Variants in GRP observed in about 807,000 individuals in gnomAD.
The protein encoded by GRP is gastrin-releasing peptide.
Under a neutral mutation model 12.7 loss-of-function variants are expected in GRP, and 11 were observed. The observed-to-expected ratio is 0.87, with a 90% CI of 0.55 to 1.44. GRP has a LOEUF of 1.44. Among genes scored for constraint, GRP ranks in the 40% most tolerant of loss-of-function variants. GRP has a pLI of 0.00. For missense variants in GRP, 212 were observed against 185.4 expected (o/e 1.14, Z -0.83); for synonymous variants, 84 against 77.7 (o/e 1.08, Z -0.43).
chr18:59,221,981 G>A (rs2069842978), intron 1 of GRP, among the ~76,000 whole-genome samples: 2 of 152,168 alleles, frequency 1.3e-5, no homozygotes, highest in Non-Finnish European at 2.9e-5. Context: ...TTTCAAGAAT[G>A]AAGGATGCTT....
intron 2 of GRP, 60 bp downstream of exon 2, chr18:59,225,794 G>A (rs2069911612): frequency 1.4e-5 from 21 of 1,526,112 alleles, no homozygotes; most frequent in Non-Finnish European, 1.9e-5. Flanking sequence ...TGGAAAGAGG[G>A]CAAGTTCAAA....
At chr18:59,224,422 T>G (rs1289650178) in intron 1 of GRP, among the ~76,000 whole-genome samples, 1 of 152,236 alleles carries the variant, frequency 6.6e-6, no homozygotes, top group African/African-American at 2.4e-5. Flanking sequence ...ATCTTTCAAA[T>G]TTTATGTTTG....
intron 2 of GRP, among the ~76,000 whole-genome samples, chr18:59,226,317 T>C (rs149909676): frequency 1.2e-3 from 181 of 152,266 alleles, no homozygotes; most frequent in African/African-American, 4.2e-3. Flanking sequence ...CTGGCAATGC[T>C]TAAAGACAGT....
chr18:59,225,338 G>A (rs952262231), intron 1 of GRP, among the ~76,000 whole-genome samples, 154 bp from the exon 2 acceptor site: 6 of 152,156 alleles, frequency 3.9e-5, no homozygotes, highest in African/African-American at 7.2e-5. Flanking sequence ...TCTATCTGTC[G>A]TTTATGAACT....
upstream of GRP, among the ~76,000 whole-genome samples, chr18:59,219,303 G>T (rs2069789304): frequency 6.6e-6 from 1 of 150,734 alleles, no homozygotes; most frequent in Non-Finnish European, 1.5e-5. Context: ...CTTCTGTCTT[G>T]CCATACAAGT....
At chr18:59,227,289 C>A (rs58665047) in intron 2 of GRP, among the ~76,000 whole-genome samples, 5,917 of 152,024 alleles carry the variant, frequency 0.039, 201 homozygotes, top group African/African-American at 0.085. Context: ...AAACAAAAAC[C>A]AAAAACAATC....
chr18:59,219,860 C>T (rs1603382699), upstream of GRP, among the ~76,000 whole-genome samples: 1 of 151,964 alleles, frequency 6.6e-6, no homozygotes, highest in Admixed American at 6.5e-5. Flanking sequence ...AGGCTGGAGG[C>T]GCCGGCGAGC....
intron 2 of GRP, among the ~76,000 whole-genome samples, chr18:59,227,247 G>A (rs964622553): frequency 2.0e-5 from 3 of 151,406 alleles, no homozygotes; most frequent in Admixed American, 6.6e-5. Context: ...AGCACCTAGA[G>A]GGAAAGTCTT....
At chr18:59,226,200 G>T (rs1380998440) in intron 2 of GRP, among the ~76,000 whole-genome samples, 1 of 152,118 alleles carries the variant, frequency 6.6e-6, no homozygotes, top group Non-Finnish European at 1.5e-5. Flanking sequence ...GGAGTACCTA[G>T]TTCAGGTTTC....
intron 1 of GRP, among the ~76,000 whole-genome samples, chr18:59,222,538 G>C (rs1479764855): frequency 6.6e-6 from 1 of 152,196 alleles, no homozygotes; most frequent in Non-Finnish European, 1.5e-5. Context: ...CGTTTGCTTT[G>C]AGTAACATGC....
Position 59,229,945 on chromosome 18 carries a change from C to T in GRP, c.383-459C>T, listed in dbSNP as rs113696194. ...CAGAAACTAGCTTTGACTTGTGTAA[C>T]GATGCACTGTCAAAGTAAGCAAAGT... On this transcript the variant is annotated intron_variant, in intron 2 of 2. Transcript: ENST00000256857. Among the ~76,000 whole-genome samples, 300 of 152,230 alleles carry T rather than the reference C, an allele frequency of 2.0e-3. 1 individual carries two copies. The highest frequency in any genetic ancestry group is 6.3e-3 in the African/African-American group (263 of 41,538).
At position 59,230,414 on chromosome 18, in the gene GRP, C is replaced by T; in HGVS notation, c.393C>T (p.Leu131=). The T allele has an allele frequency of 6.3e-7, 1 of 1,578,680 alleles. No individual in the cohort carries two copies. The highest frequency in any genetic ancestry group is 8.7e-7 in the Non-Finnish European group (1 of 1,147,714). ...DVGSKGKVGR[L]SAPGSQREGR... The stretch of plus-strand genomic sequence containing the variant: ...CTAATATTTCTTAAGTTGGTAGACT[C>T]TCTGCTCCAGGTTCTCAACGTGAAG... Residue 131 remains leucine, a synonymous_variant, in exon 3 of 3, where the codon CTC becomes CTT. Coordinates refer to ENST00000256857, the MANE Select transcript of GRP (RefSeq NM_002091.5).
In GRP at chr18:59,220,352, C is replaced by G; in HGVS notation, c.87C>G (p.Gly29=). The G allele has an allele frequency of 3.4e-6, 5 of 1,478,050 alleles. No individual in the cohort carries two copies. Among genetic ancestry groups the G allele is most frequent in the Non-Finnish European group, 4.5e-6 (5 of 1,117,628 alleles). 91.6% of individuals were successfully genotyped at this position (1,478,050 alleles called of 1,614,324 possible). A position where few individuals can be genotyped will look rare whatever the true frequency, so the allele number is the denominator to read the frequency against. The change falls in exon 1 of 3, where the codon GGC becomes GGG. Residue 29 remains glycine, a synonymous_variant. Transcript: ENST00000256857. ...GGCGAGCGGTCCCGCTGCCTGCGGG[C>G]GGAGGGACCGTGCTGACCAAGATGT... is the stretch of plus-strand genomic sequence containing the variant. The part of the protein sequence containing the change: ...PRGRAVPLPA[G]GGTVLTKMYP...
At chr18:59,226,993 C>CTTCCTTTCTTTCTTTCTTTCTT (rs2069934986) in intron 2 of GRP, among the ~76,000 whole-genome samples, 1 of 26,020 alleles carries the variant, frequency 3.8e-5, no homozygotes, top group Non-Finnish European at 9.5e-5. Flanking sequence ...TCTTTTCTTC[C>CTTCCTTTCTTTCTTTCTTTCTT]TTTCTTTCTT....
chr18:59,222,150 A>T (rs187596423), intron 1 of GRP, among the ~76,000 whole-genome samples: 1 of 152,194 alleles, frequency 6.6e-6, no homozygotes, highest in Non-Finnish European at 1.5e-5. Flanking sequence ...ACTCATCTAT[A>T]TTATTGCACT....
At chr18:59,228,177 A>G (rs2069974609) in intron 2 of GRP, among the ~76,000 whole-genome samples, 1 of 152,210 alleles carries the variant, frequency 6.6e-6, no homozygotes, top group Admixed American at 6.5e-5. Flanking sequence ...AGAGACCAAA[A>G]TATTTTATTG....
chr18:59,227,033 CT>C (rs1370374636), intron 2 of GRP, among the ~76,000 whole-genome samples: 3 of 132,276 alleles, frequency 2.3e-5, no homozygotes, highest in African/African-American at 9.0e-5. Flanking sequence ...TTCTTTCTTT[CT>C]TTCTTTCTTT....
chr18:59,229,229 A>G (rs887181401), intron 2 of GRP, among the ~76,000 whole-genome samples: 4 of 152,076 alleles, frequency 2.6e-5, no homozygotes, highest in Non-Finnish European at 5.9e-5. Context: ...CCTACCCCCA[A>G]CAATGGACCC....
rs2069802990 is a variant in GRP, at chr18:59,220,182, G to A, written c.-84G>A. On this transcript the variant is annotated 5_prime_UTR_variant, in exon 1 of 3. Coordinates refer to ENST00000256857, the MANE Select transcript of GRP (RefSeq NM_002091.5). ...CAGCAGTAGCACCAGCGGCTGCGGCGGCGGAGCTCCTCCGAGGTCCGGGTC... is the reference window on the plus strand; with the variant it reads ...CAGCAGTAGCACCAGCGGCTGCGGCAGCGGAGCTCCTCCGAGGTCCGGGTC... 2 of 1,121,382 alleles carry A rather than the reference G, an allele frequency of 1.8e-6. No homozygotes were observed. The highest frequency in any genetic ancestry group is 3.4e-5 in the East Asian group (1 of 29,806). The allele number at this position is 1,121,382 out of a possible 1,614,324, so 69.5% of individuals were successfully genotyped here.
Sources: gnomAD v4.1 joint callset for allele counts (sites outside exome capture counted in the v4.1 genomes callset) on GRCh38, gnomAD v4.1.1 for gene constraint, MANE v1.5 for transcripts, NCBI Gene and HGNC (gene_info 2026-07-23, HGNC 2026-07-21) for gene names.